Variants in RASAL2 observed in about 807,000 individuals in gnomAD.
The protein encoded by RASAL2 is RAS protein activator like 2.
Under a neutral mutation model 128.9 loss-of-function variants are expected in RASAL2, and 58 were observed. The ratio of observed to expected loss-of-function variants is 0.45; its 90% CI spans 0.36 to 0.56. The LOEUF (loss-of-function observed/expected upper bound fraction) is 0.56. Ranked by LOEUF, RASAL2 falls within the 20% of genes least tolerant of loss-of-function variation. The pLI is 0.00. For synonymous variants in RASAL2, 561 were observed against 580.8 expected (o/e 0.97, Z 0.49); for missense variants, 1,360 against 1,601.6 (o/e 0.85, Z 2.57).
chr1:178,408,633 TTC>T (rs1674149468), intron 4 of RASAL2, among the ~76,000 whole-genome samples: 1 of 150,772 alleles, frequency 6.6e-6, no homozygotes. Context: ...TTTGTTTTGC[TTC>T]TCTTTTTTTT....
rs552176480 is a variant in RASAL2 at position 178,456,814 on chromosome 1, C to G, written c.2305C>G (p.Arg769Gly). The stretch of plus-strand genomic sequence containing the variant: ...TACGCCAATACAACAGCAACTGAGA[C>G]GCTTCACTGAACATAACTCCAGTCC... ...NPTPIQQQLR[R>G]FTEHNSSPNV... The change falls in exon 13 of 18, where the codon CGC becomes GGC. Residue 769 changes from arginine (R) to glycine (G), a missense_variant. Physicochemically the swap from Arg to Gly is moderately radical, Grantham distance 125. Coordinates refer to ENST00000367649, the MANE Select transcript of RASAL2 (RefSeq NM_170692.4). 3 of 1,614,046 alleles carry G rather than the reference C, an allele frequency of 1.9e-6. No homozygotes were observed. The Admixed American group carries it at 5.0e-5, about 27-fold the overall frequency.
At chr1:178,289,004 G>C (rs1667160490) in intron 2 of RASAL2, among the ~76,000 whole-genome samples, 1 of 151,886 alleles carries the variant, frequency 6.6e-6, no homozygotes, top group South Asian at 2.1e-4. Flanking sequence ...TGTACCTCCA[G>C]ATACCACCCC....
chr1:178,470,798 T>G, intron 17 of RASAL2: 6 of 1,197,558 alleles, frequency 5.0e-6, no homozygotes, highest in Non-Finnish European at 6.8e-6. Context: ...TCCTACACAT[T>G]CCAGCTCCTG....
At chr1:178,349,572 A>G (rs149712088) in intron 3 of RASAL2, among the ~76,000 whole-genome samples, 121 of 152,174 alleles carry the variant, frequency 8.0e-4, no homozygotes, top group African/African-American at 2.7e-3. Context: ...AAATAATAGA[A>G]TTTCTAGGCT....
Position 178,476,700 on chromosome 1 carries a change from G to A in RASAL2, c.*3461G>A, listed in dbSNP as rs1029000128. 7.9e-5 allele frequency: 12 copies of A among 152,194 alleles called. No individual in the cohort carries two copies. Among genetic ancestry groups the A allele is most frequent in the Non-Finnish European group, 1.5e-4 (10 of 68,046 alleles). 9.4% of individuals were successfully genotyped at this position (152,194 alleles called of 1,614,324 possible). A position where few individuals can be genotyped will look rare whatever the true frequency, so the allele number is the denominator to read the frequency against. ...ACAAGTGTTAACTATATGCCCTTAA[G>A]AATGAGCTTGACTTTGGAAGTAAAG... On this transcript the variant is annotated 3_prime_UTR_variant, in exon 18 of 18. Transcript: ENST00000367649.
chr1:178,349,345 A>G (rs1670337876), intron 3 of RASAL2, among the ~76,000 whole-genome samples: 1 of 151,474 alleles, frequency 6.6e-6, no homozygotes, highest in African/African-American at 2.4e-5. Context: ...GAATCACTTG[A>G]ACCCGGAGGC....
rs1243098628 is a variant in RASAL2 at position 178,457,865 on chromosome 1, CTGCTCAAGTGGAGCA to C, written c.2577_2591del (p.Gln860_Ala864del). ...CTCATGGACCTCCAGGACACTCATG[CTGCTCAAGTGGAGCA>C]TGCATCTGTCATGCTTGATGTGCCT... On this transcript the variant is annotated inframe_deletion, in exon 14 of 18. Coordinates refer to ENST00000367649, the MANE Select transcript of RASAL2 (RefSeq NM_170692.4). The C allele has an allele frequency of 6.2e-7, 1 of 1,614,188 alleles. No individual in the cohort carries two copies. The highest frequency in any genetic ancestry group is 1.1e-5 in the South Asian group (1 of 91,082).
intron 1 of RASAL2, among the ~76,000 whole-genome samples, chr1:178,164,511 G>GCGTA (rs1442758719): frequency 2.6e-5 from 4 of 151,228 alleles, no homozygotes; most frequent in African/African-American, 2.4e-5. Flanking sequence ...GTGTGCGTGT[G>GCGTA]TGTGTGTGTG....
At chr1:178,312,895 G>A (rs1173396297) in intron 3 of RASAL2, among the ~76,000 whole-genome samples, 1 of 152,110 alleles carries the variant, frequency 6.6e-6, no homozygotes, top group Non-Finnish European at 1.5e-5. Flanking sequence ...TTATCATATT[G>A]GGCACTTTAC....
intron 1 of RASAL2, among the ~76,000 whole-genome samples, chr1:178,156,666 G>T (rs1661094597): frequency 6.6e-6 from 1 of 152,264 alleles, no homozygotes; most frequent in East Asian, 1.9e-4. Flanking sequence ...TGGATTTTTA[G>T]ATGGCAGACA....
intron 1 of RASAL2, among the ~76,000 whole-genome samples, chr1:178,282,364 T>C (rs952114033): frequency 7.9e-5 from 12 of 152,200 alleles, no homozygotes; most frequent in Admixed American, 7.2e-4. Flanking sequence ...GAGACCTACG[T>C]AGTTCTATGA....
At chr1:178,143,470 TA>T (rs1247370480) in intron 1 of RASAL2, among the ~76,000 whole-genome samples, 3 of 152,238 alleles carry the variant, frequency 2.0e-5, no homozygotes, top group Middle Eastern at 3.4e-3. Flanking sequence ...CCCAAATCAT[TA>T]AATTAACTTG....
In RASAL2 at chr1:178,192,290, A is replaced by G. The variant is rs115035946; in HGVS notation, c.203-91274A>G. Among the ~76,000 whole-genome samples the G allele has an allele frequency of 3.4e-3, 519 of 152,318 alleles. 2 individuals are homozygous for G. The highest frequency in any genetic ancestry group is 0.012 in the African/African-American group (496 of 41,580). On this transcript the variant is annotated intron_variant, in intron 1 of 17. Transcript: ENST00000367649. ...TTCAGTAAATATTTGATGACAGTCT[A>G]TTATCTACTCTGTTAGGCACCTTGG...
chr1:178,221,748 A>G (rs1206877849), intron 1 of RASAL2, among the ~76,000 whole-genome samples: 5 of 152,162 alleles, frequency 3.3e-5, no homozygotes, highest in African/African-American at 9.7e-5. Context: ...TGAATGAAGT[A>G]GTCTGTAGAT....
Position 178,390,128 on chromosome 1 carries a change from A to T in RASAL2, c.486A>T (p.Arg162Ser). Reference sequence around the variant, plus strand: ...TACCAGCAGAAAGGTCCCCTCGTAGACGGAGTATCTCAGGGACCAGTACAT... The same window carrying T: ...TACCAGCAGAAAGGTCCCCTCGTAGTCGGAGTATCTCAGGGACCAGTACAT... ...LEVPAERSPR[R>S]RSISGTSTSE... is the part of the protein sequence containing the mutation. Residue 162 changes from arginine (R) to serine (S), a missense_variant, in exon 4 of 18, where the codon AGA becomes AGT. Arg to Ser is a moderately radical substitution (Grantham distance 110). Coordinates refer to ENST00000367649, the MANE Select transcript of RASAL2 (RefSeq NM_170692.4). 1 of 1,612,550 alleles carries T rather than the reference A, an allele frequency of 6.2e-7. No homozygotes were observed. The highest frequency in any genetic ancestry group is 8.5e-7 in the Non-Finnish European group (1 of 1,179,272).
chr1:178,125,765 G>A (rs555636971), intron 1 of RASAL2, among the ~76,000 whole-genome samples: 1 of 152,204 alleles, frequency 6.6e-6, no homozygotes, highest in South Asian at 2.1e-4. Context: ...TTGAAAAGTA[G>A]GGATATATAA....
chr1:178,337,847 T>C (rs975510616), intron 3 of RASAL2, among the ~76,000 whole-genome samples: 1 of 151,880 alleles, frequency 6.6e-6, no homozygotes. Flanking sequence ...TTCTCCTGCC[T>C]CAACCTCCCG....
chr1:178,177,019 A>T lies in RASAL2; in HGVS notation c.202+82325A>T, dbSNP rs577005646. ...GATTCTTTATACAGAAAATTAGTCTAAATTTTGCTAGTTCCAGAATAGTCT... is the reference window on the plus strand; with the variant it reads ...GATTCTTTATACAGAAAATTAGTCTTAATTTTGCTAGTTCCAGAATAGTCT... On this transcript the variant is annotated intron_variant, in intron 1 of 17. Coordinates refer to ENST00000367649, the MANE Select transcript of RASAL2 (RefSeq NM_170692.4). Among the ~76,000 whole-genome samples, 72 of 152,300 alleles carry T rather than the reference A, an allele frequency of 4.7e-4. No individual in the cohort carries two copies. The Middle Eastern group carries it at 0.014, about 29-fold the overall frequency.
chr1:178,149,810 G>A (rs889027266), intron 1 of RASAL2, among the ~76,000 whole-genome samples: 2 of 152,000 alleles, frequency 1.3e-5, no homozygotes, highest in Non-Finnish European at 2.9e-5. Context: ...CATTTAACAT[G>A]CAAATAGGAT....
Sources: gnomAD v4.1 joint callset for allele counts (sites outside exome capture counted in the v4.1 genomes callset) on GRCh38, gnomAD v4.1.1 for gene constraint, MANE v1.5 for transcripts, NCBI Gene and HGNC (gene_info 2026-07-23, HGNC 2026-07-21) for gene names.